Variants in ZNF69 observed in about 807,000 individuals in gnomAD.
ZNF69 encodes the protein ZNF3.
In ZNF69, 47 loss-of-function variants were observed where a neutral mutation model predicts 50.9. That is an observed-to-expected ratio of 0.92 (90% confidence interval 0.73 to 1.18). ZNF69 has a LOEUF of 1.18. ZNF69 is among the 50% of genes most tolerant of loss of function. The pLI, the probability that ZNF69 is intolerant of heterozygous loss-of-function variation, is 0.00. For synonymous variants in ZNF69, 216 were observed against 223.1 expected (o/e 0.97, Z 0.29); for missense variants, 717 against 675.1 (o/e 1.06, Z -0.69).
chr19:11,903,737 A>G (rs1568278475), intron 2 of ZNF69, 38 bp downstream of exon 2: 1 of 1,610,840 alleles, frequency 6.2e-7, no homozygotes. Context: ...TCCATTAGTG[A>G]ACCAGTGTTT....
the ZNF69 span, among the ~76,000 whole-genome samples, chr19:11,929,115 C>T: frequency 6.7e-6 from 1 of 148,244 alleles, no homozygotes; most frequent in Non-Finnish European, 1.5e-5. Flanking sequence ...GATCACATTG[C>T]TTCAAGATAA....
chr19:11,942,475 C>T, the ZNF69 span, among the ~76,000 whole-genome samples: 128 of 152,188 alleles, frequency 8.4e-4, no homozygotes, highest in African/African-American at 2.8e-3. Context: ...CAGGACAAGC[C>T]GCAGACAAAA....
At chr19:11,952,209 G>A in the ZNF69 span, among the ~76,000 whole-genome samples, 1 of 152,034 alleles carries the variant, frequency 6.6e-6, no homozygotes, top group African/African-American at 2.4e-5. Flanking sequence ...TGTGATGAGG[G>A]GAGGTCAGCT....
At chr19:11,979,906 GA>G in the ZNF69 span, 2 of 1,395,070 alleles carry the variant, frequency 1.4e-6, no homozygotes, top group East Asian at 4.6e-5. Context: ...ATAAATGTAA[GA>G]TATGTGGGAA....
the ZNF69 span, among the ~76,000 whole-genome samples, chr19:11,957,624 C>T: frequency 1.3e-5 from 2 of 152,068 alleles, no homozygotes; most frequent in Non-Finnish European, 2.9e-5. Context: ...ATGGGCAGAT[C>T]ACTTGAGATC....
chr19:11,891,284 G>A (rs1483102241), intron 1 of ZNF69, among the ~76,000 whole-genome samples: 1 of 151,778 alleles, frequency 6.6e-6, no homozygotes, highest in African/African-American at 2.4e-5. Flanking sequence ...AAAATTAGCC[G>A]GGTGTGGTGG....
Position 11,905,191 on chromosome 19 carries a change from T to A in ZNF69, c.794T>A (p.Ile265Lys). ...KSFSYSATLR[I>K]HERTHTGEKP... ...TTTAGTTATTCTGCTACCCTTCGAA[T>A]ACACGAAAGAACTCACACTGGAGAA... Residue 265 changes from isoleucine (I) to lysine (K), a missense_variant, in exon 4 of 4, where the codon ATA (isoleucine) becomes AAA (lysine). Physicochemically the swap from Ile to Lys is moderately radical, Grantham distance 102. Coordinates refer to ENST00000429654, the MANE Select transcript of ZNF69 (RefSeq NM_001364730.1). 1 of 1,614,066 alleles carries A rather than the reference T, an allele frequency of 6.2e-7. No homozygotes were observed. Among genetic ancestry groups the A allele is most frequent in the Non-Finnish European group, 8.5e-7 (1 of 1,180,006 alleles).
chr19:11,965,293 C>A, the ZNF69 span: 1 of 1,592,846 alleles, frequency 6.3e-7, no homozygotes, highest in Non-Finnish European at 8.6e-7. Context: ...GGGACCCGGG[C>A]CTCCCTGCGG....
chr19:11,950,092 A>AT, the ZNF69 span: 1 of 1,614,184 alleles, frequency 6.2e-7, no homozygotes, highest in East Asian at 2.2e-5. Flanking sequence ...ATCTGCCAAG[A>AT]TTCTTCAAAT....
At chr19:11,920,843 A>G in the ZNF69 span, among the ~76,000 whole-genome samples, 3 of 152,186 alleles carry the variant, frequency 2.0e-5, no homozygotes, top group Non-Finnish European at 2.9e-5. Flanking sequence ...TGTTCAATTC[A>G]AGAGTGTCTG....
intron 1 of ZNF69, among the ~76,000 whole-genome samples, chr19:11,899,423 C>T (rs148407510): frequency 9.2e-5 from 14 of 152,206 alleles, no homozygotes; most frequent in African/African-American, 1.2e-4. Flanking sequence ...CCACCATGTC[C>T]GGCCACTCAT....
chr19:11,919,753 G>C, the ZNF69 span, among the ~76,000 whole-genome samples: 1 of 152,156 alleles, frequency 6.6e-6, no homozygotes. Flanking sequence ...GACACAGCAA[G>C]AAGTCATCTA....
At chr19:11,970,962 T>C in the ZNF69 span, among the ~76,000 whole-genome samples, 2 of 152,076 alleles carry the variant, frequency 1.3e-5, no homozygotes, top group African/African-American at 2.4e-5. Flanking sequence ...AAAAACTAGA[T>C]GCCCTGGTCT....
chr19:11,936,253 G>T, the ZNF69 span, among the ~76,000 whole-genome samples: 1 of 152,166 alleles, frequency 6.6e-6, no homozygotes, highest in Admixed American at 6.5e-5. Context: ...GATCCTTGAG[G>T]AATCGCCACA....
chr19:11,906,237 C>G lies in ZNF69; in HGVS notation c.*139C>G. ...GAATTCAGTAAAGGACACAAGCACA[C>G]ATAAGAATGCATTCTGGATAGCTGA... On this transcript the variant is annotated 3_prime_UTR_variant, in exon 4 of 4. Transcript: ENST00000429654. 6.6e-7 allele frequency: 1 copy of G among 1,509,032 alleles called. No homozygotes were observed. The allele number at this position is 1,509,032 out of a possible 1,614,324, so 93.5% of individuals were successfully genotyped here.
chr19:11,922,763 A>C, the ZNF69 span, among the ~76,000 whole-genome samples: 1 of 151,590 alleles, frequency 6.6e-6, no homozygotes, highest in Non-Finnish European at 1.5e-5. Context: ...TTACAATTAG[A>C]CCATCCAAGG....
the ZNF69 span, among the ~76,000 whole-genome samples, chr19:11,924,060 C>T: frequency 6.6e-6 from 1 of 152,150 alleles, no homozygotes; most frequent in Non-Finnish European, 1.5e-5. Flanking sequence ...TGGTGTTGTA[C>T]CTCTGGAGCT....
chr19:11,950,468 C>T, the ZNF69 span: 1 of 685,828 alleles, frequency 1.5e-6, no homozygotes, highest in Admixed American at 2.3e-5. Context: ...GGAGAGAAAC[C>T]CTATGAGTGT....
At chr19:11,965,022 A>C in the ZNF69 span, 5 of 621,212 alleles carry the variant, frequency 8.0e-6, no homozygotes, top group East Asian at 3.2e-5. Context: ...TTATCCAGGC[A>C]CAGAGTGGGT....
Sources: gnomAD v4.1 joint callset for allele counts (sites outside exome capture counted in the v4.1 genomes callset) on GRCh38, gnomAD v4.1.1 for gene constraint, MANE v1.5 for transcripts, NCBI Gene and HGNC (gene_info 2026-07-23, HGNC 2026-07-21) for gene names.